The following LSM14A variants were observed in gnomAD, a reference collection of about 807,000 sequenced individuals.
LSM14A encodes the protein protein LSM14 homolog A.
A neutral mutation model predicts 52.4 loss-of-function variants in LSM14A; 14 were observed. That is an observed-to-expected ratio of 0.27 (90% CI 0.18 to 0.42). The LOEUF is 0.42. Ranked by LOEUF, LSM14A falls within the 10% of genes least tolerant of loss-of-function variation. The pLI, the probability that LSM14A is intolerant of heterozygous loss-of-function variation, is 1.00. For missense variants in LSM14A, 417 were observed against 581.8 expected, an observed-to-expected ratio of 0.72 and a Z score of 2.91; for synonymous variants, 185 against 200.3, an observed-to-expected ratio of 0.92 and a Z score of 0.64.
chr19:34,199,161 C>T (rs1279867143), intron 3 of LSM14A, among the ~76,000 whole-genome samples: 1 of 151,906 alleles, frequency 6.6e-6, no homozygotes, highest in Non-Finnish European at 1.5e-5. Context: ...AGATCTGGCT[C>T]TCACCCAGGC....
At chr19:34,207,554 C>CAG (rs1192237254) in intron 3 of LSM14A, among the ~76,000 whole-genome samples, 30 of 143,738 alleles carry the variant, frequency 2.1e-4, no homozygotes, top group African/African-American at 7.9e-4. Flanking sequence ...TTTTTTGAGA[C>CAG]AGAGTCTCAC....
intron 1 of LSM14A, among the ~76,000 whole-genome samples, chr19:34,184,004 C>A (rs1307362628): frequency 6.6e-6 from 1 of 151,868 alleles, no homozygotes; most frequent in Non-Finnish European, 1.5e-5. Flanking sequence ...TGCCTACGAC[C>A]CCCAGTCCTA....
chr19:34,194,390 AG>A lies in LSM14A; in HGVS notation c.122-87del, dbSNP rs1285358500. Reference sequence around the variant, plus strand: ...CTCAGACATTTCAGAACTACTGCTTAGTACTTGAAATACAACATTTAGAATC... The same window carrying A: ...CTCAGACATTTCAGAACTACTGCTTATACTTGAAATACAACATTTAGAATC... On this transcript the variant is annotated intron_variant, in intron 1 of 9. Coordinates refer to ENST00000544216, the MANE Select transcript of LSM14A (RefSeq NM_015578.4). 7 of 1,156,896 alleles carry A rather than the reference AG, an allele frequency of 6.1e-6. No homozygotes were observed. The East Asian group carries it at 1.2e-4, about 19-fold the overall frequency. The allele number at this position is 1,156,896 out of a possible 1,614,324, so 71.7% of individuals were successfully genotyped here. A position where few individuals can be genotyped will look rare whatever the true frequency, so the allele number is the denominator to read the frequency against.
intron 3 of LSM14A, among the ~76,000 whole-genome samples, chr19:34,202,899 C>T (rs975692023): frequency 2.8e-4 from 43 of 152,212 alleles, no homozygotes; most frequent in African/African-American, 9.4e-4. Flanking sequence ...CCTCGTGATC[C>T]GCCCGCCTCG....
At chr19:34,192,324 T>TTTG (rs1568479863) in intron 1 of LSM14A, among the ~76,000 whole-genome samples, 1 of 100,702 alleles carries the variant, frequency 9.9e-6, no homozygotes, top group Non-Finnish European at 2.0e-5. Context: ...TTGTTGTTTT[T>TTTG]TTTTTTTTTT....
chr19:34,216,984 A>G (rs1447573711), intron 6 of LSM14A, among the ~76,000 whole-genome samples: 1 of 152,166 alleles, frequency 6.6e-6, no homozygotes, highest in Non-Finnish European at 1.5e-5. Flanking sequence ...CCCAGAGGCC[A>G]GGCACGGTGG....
chr19:34,207,397 A>G (rs2071783183), intron 3 of LSM14A, among the ~76,000 whole-genome samples: 3 of 152,134 alleles, frequency 2.0e-5, no homozygotes, highest in East Asian at 1.9e-4. Context: ...TAGTCCCCAC[A>G]TTACCGGGAT....
At position 34,215,147 on chromosome 19, in the gene LSM14A, C is replaced by G; in HGVS notation, c.562C>G (p.Pro188Ala). The change falls in exon 5 of 10, where the codon CCT (proline) becomes GCT (alanine). Residue 188 changes from proline to alanine, a missense_variant. Physicochemically the swap from Pro to Ala is conservative, Grantham distance 27. Coordinates refer to ENST00000544216, the MANE Select transcript of LSM14A (RefSeq NM_015578.4). ...AGGTCGCTCAAGCCCTCAGTTAGAC[C>G]CTTTGAGAAAAAGCCCAACCATGGA... ...SQGRSSPQLD[P>A]LRKSPTMEQA... The G allele has an allele frequency of 6.2e-7, 1 of 1,612,804 alleles. No homozygotes were observed. Among genetic ancestry groups the G allele is most frequent in the Non-Finnish European group, 8.5e-7 (1 of 1,179,626 alleles).
intron 9 of LSM14A, chr19:34,226,474 AC>A (rs2073354812): frequency 2.0e-6 from 3 of 1,523,782 alleles, no homozygotes; most frequent in East Asian, 5.0e-5. Context: ...GGTAAAAAAA[AC>A]AAATACTTTG....
At chr19:34,198,870 C>A (rs990118992) in intron 3 of LSM14A, among the ~76,000 whole-genome samples, 6 of 151,800 alleles carry the variant, frequency 4.0e-5, no homozygotes, top group Non-Finnish European at 8.8e-5. Context: ...GCCTGTAGTT[C>A]CAGCTACTCG....
intron 1 of LSM14A, among the ~76,000 whole-genome samples, chr19:34,184,244 G>A (rs2069720427): frequency 6.6e-6 from 1 of 151,866 alleles, no homozygotes. Flanking sequence ...TAAGAGACGG[G>A]GTTTCACCAT....
intron 1 of LSM14A, among the ~76,000 whole-genome samples, chr19:34,177,698 G>A (rs1465330790): frequency 2.6e-5 from 4 of 151,472 alleles, no homozygotes; most frequent in Non-Finnish European, 2.9e-5. Flanking sequence ...AACCAGCCTC[G>A]GCAATACAGG....
At chr19:34,194,290 ATT>A (rs2070687803) in intron 1 of LSM14A, among the ~76,000 whole-genome samples, 186 bp from the exon 2 acceptor site, 1 of 152,264 alleles carries the variant, frequency 6.6e-6, no homozygotes, top group African/African-American at 2.4e-5. Context: ...TATTGCATAT[ATT>A]TAACTTCGGG....
At chr19:34,172,847 TCCCTC>T in intron 1 of LSM14A, 84 bp downstream of exon 1, 2 of 1,401,612 alleles carry the variant, frequency 1.4e-6, no homozygotes, top group Non-Finnish European at 1.9e-6. Context: ...GCCTCCTCGT[TCCCTC>T]CCCTCCCTCC....
intron 1 of LSM14A, among the ~76,000 whole-genome samples, chr19:34,174,962 A>G (rs1295475401): frequency 6.6e-6 from 1 of 152,202 alleles, no homozygotes; most frequent in Non-Finnish European, 1.5e-5. Flanking sequence ...AACTACGAAC[A>G]TATCCTTTTA....
Position 34,192,316 on chromosome 19 carries a change from GTTGTTTT to G in LSM14A, c.122-2159_122-2153del, listed in dbSNP as rs1376629828. ...TTTACACTGAAATAACATTCTTTTT[GTTGTTTT>G]TTTTTTTTTTTTTTTTTTTGGAGTC... On this transcript the variant is annotated intron_variant, in intron 1 of 9. Transcript: ENST00000544216. Among the ~76,000 whole-genome samples the G allele has an allele frequency of 6.3e-3, 411 of 65,752 alleles. 14 individuals carry two copies. The highest frequency in any genetic ancestry group is 0.016 in the African/African-American group (271 of 17,386). The allele number at this position is 65,752 out of a possible 152,430, so 43.1% of individuals were successfully genotyped here.
At chr19:34,182,297 G>A (rs530777043) in intron 1 of LSM14A, among the ~76,000 whole-genome samples, 1 of 152,282 alleles carries the variant, frequency 6.6e-6, no homozygotes, top group East Asian at 1.9e-4. Flanking sequence ...GGTTGGCTAT[G>A]TATTTCCAAA....
chr19:34,194,481 G>A lies in LSM14A; in HGVS notation c.125G>A (p.Arg42Gln), dbSNP rs2070703623. The change falls in exon 2 of 10, where the codon CGA (arginine) becomes CAA (glutamine). Residue 42 changes from arginine (R) to glutamine (Q), a missense_variant. Transcript: ENST00000544216. ...ATATCCTTTGTTTTCTTGCCAGTTC[G>A]ATCCTTTGGTACAGAAGACAGACCG... Reference protein sequence around the residue: ...ENSTVALAKVRSFGTEDRPTD... With the variant: ...ENSTVALAKVQSFGTEDRPTD... 5.6e-6 allele frequency: 9 copies of A among 1,613,714 alleles called. No homozygotes were observed. Among genetic ancestry groups the A allele is most frequent in the Admixed American group, 1.7e-5 (1 of 59,944 alleles).
intron 1 of LSM14A, among the ~76,000 whole-genome samples, chr19:34,173,115 C>T (rs564742404): frequency 2.6e-5 from 4 of 152,386 alleles, no homozygotes; most frequent in African/African-American, 2.4e-5. Flanking sequence ...CCGGAGTATT[C>T]AAAGAATTTT....
Sources: gnomAD v4.1 joint callset for allele counts (sites outside exome capture counted in the v4.1 genomes callset) on GRCh38, gnomAD v4.1.1 for gene constraint, MANE v1.5 for transcripts, NCBI Gene and HGNC (gene_info 2026-07-23, HGNC 2026-07-21) for gene names.